The following SRL variants were observed in gnomAD, a reference collection of about 807,000 sequenced individuals.
SRL encodes sarcalumenin.
SRL carries 23 observed loss-of-function variants against 39.5 expected under a neutral mutation model. The ratio of observed to expected loss-of-function variants is 0.58; its 90% confidence interval spans 0.42 to 0.82. The LOEUF (loss-of-function observed/expected upper bound fraction) is 0.82, where lower values mean the gene tolerates loss of function less well. Among genes scored for constraint, SRL ranks in the 40% least tolerant of loss-of-function variants. The probability of loss-of-function intolerance (pLI) is 0.00; values close to 1 mark genes in which losing one functional copy is unlikely to be tolerated. For synonymous variants in SRL, 272 were observed against 237.4 expected (o/e 1.15, Z -1.34); for missense variants, 592 against 607.8 (o/e 0.97, Z 0.27).
intron 1 of SRL, chr16:4,206,818 C>G (rs1220444849): frequency 4.4e-6 from 2 of 456,748 alleles, no homozygotes; most frequent in South Asian, 1.5e-5. Flanking sequence ...CCCATGGACT[C>G]TGTATTCAAT....
intron 1 of SRL, among the ~76,000 whole-genome samples, chr16:4,225,900 C>G (rs1296491866): frequency 6.6e-6 from 1 of 152,104 alleles, no homozygotes; most frequent in Non-Finnish European, 1.5e-5. Flanking sequence ...CCCTCTAGCC[C>G]TGCTTCACCT....
In SRL at chr16:4,203,212, C is replaced by T. The variant is rs2052261655; in HGVS notation, c.213G>A (p.Leu71=). The T allele has an allele frequency of 5.6e-6, 9 of 1,614,218 alleles. No homozygotes were observed. Among genetic ancestry groups the T allele is most frequent in the Non-Finnish European group, 7.6e-6 (9 of 1,180,028 alleles). The part of the protein sequence containing the change: ...RKIYHSSIKP[L]EQSYKYNELR... ...GCTCATTGTACTTGTAGGACTGCTCCAGAGGCTTGATGGATGAGTGGTAGA... is the reference window on the plus strand; with the variant it reads ...GCTCATTGTACTTGTAGGACTGCTCTAGAGGCTTGATGGATGAGTGGTAGA... Residue 71 remains leucine (L), a synonymous_variant, in exon 3 of 6, where the codon CTG becomes CTA. Coordinates refer to ENST00000399609, the MANE Select transcript of SRL (RefSeq NM_001098814.2).
intron 2 of SRL, 138 bp downstream of exon 2, chr16:4,204,395 A>AGCCTCCAAGATAGATACAGCCCCG (rs997217855): frequency 2.5e-5 from 2 of 80,508 alleles, no homozygotes; most frequent in Non-Finnish European, 4.1e-5. Context: ...CGTCCCCTCC[A>AGCCTCCAAGATAGATACAGCCCCG]GCCTCCAAGA....
chr16:4,191,988 C>G lies in SRL; in HGVS notation c.*165G>C. On this transcript the variant is annotated 3_prime_UTR_variant, in exon 6 of 6. Transcript: ENST00000399609. The stretch of plus-strand genomic sequence containing the variant: ...GAATTCACAGTTTCCACTCTCCTCC[C>G]TAGACCCACACACCTGCCCCGACCC... 4 of 710,894 alleles carry G rather than the reference C, an allele frequency of 5.6e-6. No individual in the cohort carries two copies. The highest frequency in any genetic ancestry group is 8.1e-4 in the Middle Eastern group (2 of 2,460). 44.0% of individuals were successfully genotyped at this position (710,894 alleles called of 1,614,324 possible). A position where few individuals can be genotyped will look rare whatever the true frequency, so the allele number is the denominator to read the frequency against.
chr16:4,210,507 T>TTTTTTTTG (rs71139623), intron 1 of SRL, among the ~76,000 whole-genome samples: 1 of 133,166 alleles, frequency 7.5e-6, no homozygotes, highest in African/African-American at 2.6e-5. Flanking sequence ...TTTTTTTTTT[T>TTTTTTTTG]GAGACAAGGT....
chr16:4,222,023 A>T (rs114156750), intron 1 of SRL, among the ~76,000 whole-genome samples: 1,921 of 152,262 alleles, frequency 0.013, 43 homozygotes, highest in African/African-American at 0.043. Flanking sequence ...ATAAGGTCAC[A>T]TTCTGAGGTT....
At chr16:4,207,041 G>C (rs547841934) in intron 1 of SRL, 1 of 452,880 alleles carries the variant, frequency 2.2e-6, no homozygotes, top group Non-Finnish European at 4.4e-6. Flanking sequence ...GGGACTCCTC[G>C]GCTTCCTGCA....
intron 3 of SRL, among the ~76,000 whole-genome samples, chr16:4,200,547 C>T (rs897579972): frequency 2.6e-5 from 4 of 152,130 alleles, no homozygotes; most frequent in South Asian, 2.1e-4. Context: ...CCCTGCAGAG[C>T]GCCATGCCCT....
intron 1 of SRL, among the ~76,000 whole-genome samples, chr16:4,223,288 G>A (rs1597289315): frequency 6.7e-6 from 1 of 148,270 alleles, no homozygotes; most frequent in South Asian, 2.1e-4. Flanking sequence ...CTCGATGATT[G>A]AAAAAAAAGA....
At chr16:4,217,695 G>C (rs546160807) in intron 1 of SRL, among the ~76,000 whole-genome samples, 8 of 152,210 alleles carry the variant, frequency 5.3e-5, no homozygotes, top group Non-Finnish European at 7.3e-5. Context: ...AGCCCCATCA[G>C]AGCGTTTTAA....
rs888710758 is a variant in SRL, at chr16:4,197,931, A to G, written c.260-16T>C. Reference sequence around the variant, plus strand: ...ATCTCTCCATCTGTGGGCAACAGGAAGTAGAAATGGAATAAAACTAACAAA... The same window carrying G: ...ATCTCTCCATCTGTGGGCAACAGGAGGTAGAAATGGAATAAAACTAACAAA... On this transcript the variant is annotated splice_polypyrimidine_tract_variant and intron_variant, in intron 3 of 5. Transcript: ENST00000399609. 9.7e-6 allele frequency: 15 copies of G among 1,548,876 alleles called. No homozygotes were observed. In the East Asian group the frequency reaches 1.6e-4, roughly 16 times the overall value.
chr16:4,229,504 T>C (rs530001237), intron 1 of SRL, among the ~76,000 whole-genome samples: 2 of 152,084 alleles, frequency 1.3e-5, no homozygotes, highest in Admixed American at 1.3e-4. Flanking sequence ...CTGGAGGTCA[T>C]TATCCCAAGC....
chr16:4,221,604 G>C (rs760404323), intron 1 of SRL, among the ~76,000 whole-genome samples: 1 of 152,178 alleles, frequency 6.6e-6, no homozygotes. Context: ...ACTCAGCCCT[G>C]GTCAAAAAAG....
At chr16:4,212,991 C>T (rs890299619) in intron 1 of SRL, among the ~76,000 whole-genome samples, 2 of 152,192 alleles carry the variant, frequency 1.3e-5, no homozygotes, top group African/African-American at 4.8e-5. Context: ...CCTCGTGAGT[C>T]CAACTGTAAA....
At chr16:4,199,324 TG>T (rs1213465333) in intron 3 of SRL, among the ~76,000 whole-genome samples, 2 of 151,632 alleles carry the variant, frequency 1.3e-5, no homozygotes, top group African/African-American at 2.4e-5. Context: ...GACATTTTAA[TG>T]CATATATAAG....
intron 3 of SRL, among the ~76,000 whole-genome samples, chr16:4,201,250 A>T (rs2052225680): frequency 1.3e-5 from 2 of 151,822 alleles, no homozygotes; most frequent in Admixed American, 6.6e-5. Flanking sequence ...AGTAGCTGGG[A>T]CCACAGGCGC....
intron 2 of SRL, among the ~76,000 whole-genome samples, chr16:4,203,871 C>T (rs557662457): frequency 1.5e-4 from 23 of 152,354 alleles, no homozygotes; most frequent in African/African-American, 4.6e-4. Context: ...ACCCAGCAGG[C>T]GCGCAGAACA....
At chr16:4,220,278 AACAC>A (rs71394664) in intron 1 of SRL, among the ~76,000 whole-genome samples, 269 of 140,798 alleles carry the variant, frequency 1.9e-3, no homozygotes, top group African/African-American at 6.3e-3. Context: ...TCTCTACTAA[AACAC>A]ACACACACAC....
At position 4,228,761 on chromosome 16, in the gene SRL, A is replaced by G. The variant is rs1251113202; in HGVS notation, c.61+13246T>C. Among the ~76,000 whole-genome samples, 3 of 151,788 alleles carry G rather than the reference A, an allele frequency of 2.0e-5. No individual in the cohort carries two copies. In the East Asian group the frequency reaches 5.8e-4, roughly 29 times the overall value. ...AAAAAAAAAGAAAAAAAGAAAGAAAAAGTGAAAAAGAAAAGGCCTGAAGAC... is the reference window on the plus strand; with the variant it reads ...AAAAAAAAAGAAAAAAAGAAAGAAAGAGTGAAAAAGAAAAGGCCTGAAGAC... On this transcript the variant is annotated intron_variant, in intron 1 of 5. Transcript: ENST00000399609.
Sources: gnomAD v4.1 joint callset for allele counts (sites outside exome capture counted in the v4.1 genomes callset) on GRCh38, gnomAD v4.1.1 for gene constraint, MANE v1.5 for transcripts, NCBI Gene and HGNC (gene_info 2026-07-23, HGNC 2026-07-21) for gene names.